The following SRPX2 variants were observed in gnomAD, a reference collection of about 807,000 sequenced individuals.
SRPX2 encodes sushi repeat containing protein X-linked 2.
SRPX2 carries 26 observed loss-of-function variants against 45.3 expected under a neutral mutation model. The observed-to-expected ratio is 0.57, with a 90% CI of 0.42 to 0.80. SRPX2 has a LOEUF of 0.80. SRPX2 is among the 30% of genes least tolerant of loss of function. The pLI is 0.00. For synonymous variants in SRPX2, 125 were observed against 143.7 expected, an observed-to-expected ratio of 0.87 and a Z score of 0.93; for missense variants, 355 against 399.8, an observed-to-expected ratio of 0.89 and a Z score of 0.95.
At chrX:100,670,733 G>A in intron 10 of SRPX2, 74 bp from the exon 11 acceptor site, 1 of 1,143,455 alleles carries the variant, frequency 8.7e-7, no homozygotes, top group Non-Finnish European at 1.2e-6. Flanking sequence ...GCTGCAAAAA[G>A]TCAGAGGGTA....
At chrX:100,655,393 G>T (rs899338948) in intron 3 of SRPX2, among the ~76,000 whole-genome samples, 2 of 110,995 alleles carry the variant, frequency 1.8e-5, no homozygotes, top group African/African-American at 3.3e-5. Flanking sequence ...TATTTGGGAG[G>T]GGACTAAGTC....
intron 3 of SRPX2, among the ~76,000 whole-genome samples, chrX:100,653,857 T>TCTGTATTTGA (rs1366467776): frequency 5.3e-5 from 6 of 112,884 alleles, no homozygotes; most frequent in African/African-American, 1.3e-4. Context: ...TAGCTATATT[T>TCTGTATTTGA]CTGTATTTGA....
At chrX:100,658,093 C>T (rs749676766) in intron 3 of SRPX2, among the ~76,000 whole-genome samples, 4 of 112,543 alleles carry the variant, frequency 3.6e-5, no homozygotes, top group African/African-American at 1.3e-4. Flanking sequence ...TGTTGTTTTG[C>T]TGTGCAGGAG....
In SRPX2 at chrX:100,662,297, T is replaced by G. The variant is rs752426167; in HGVS notation, c.285T>G (p.Phe95Leu). 8.3e-7 allele frequency: 1 copy of G among 1,211,808 alleles called. No homozygotes were observed. Among genetic ancestry groups the G allele is most frequent in the Middle Eastern group, 2.3e-4 (1 of 4,300 alleles). Reference protein sequence around the residue: ...TRCELSCDRGFRLIGRRSVQC... With the variant: ...TRCELSCDRGLRLIGRRSVQC... ...GTGAGCTCTCCTGTGACCGGGGCTT[T>G]CGATTGATTGGAAGGAGGTCGGTGC... is the stretch of plus-strand genomic sequence containing the variant. The change falls in exon 4 of 11, where the codon TTT (phenylalanine) becomes TTG (leucine). Residue 95 changes from phenylalanine (F) to leucine (L), a missense_variant. Transcript: ENST00000373004.
intron 3 of SRPX2, among the ~76,000 whole-genome samples, chrX:100,661,933 GTTTTTTTT>G (rs771852530): frequency 3.3e-5 from 2 of 59,709 alleles, no homozygotes; most frequent in East Asian, 5.3e-4. Context: ...TCGAGGTGGG[GTTTTTTTT>G]TTTTTTTTTT....
At chrX:100,658,057 G>C (rs1288760401) in intron 3 of SRPX2, among the ~76,000 whole-genome samples, 1 of 112,552 alleles carries the variant, frequency 8.9e-6, no homozygotes, top group African/African-American at 3.2e-5. Context: ...CCATTCAAGA[G>C]GCTGTCTCTT....
intron 3 of SRPX2, among the ~76,000 whole-genome samples, chrX:100,661,687 G>GT (rs1196898184): frequency 2.7e-5 from 3 of 112,138 alleles, no homozygotes; most frequent in Non-Finnish European, 5.6e-5. Flanking sequence ...GGAGAATGGC[G>GT]TGAACGTGGG....
intron 2 of SRPX2, among the ~76,000 whole-genome samples, chrX:100,647,235 G>T (rs1208285273): frequency 8.9e-6 from 1 of 112,220 alleles, no homozygotes; most frequent in Non-Finnish European, 1.9e-5. Context: ...AGTGGGGGAA[G>T]GAGACAGACC....
Position 100,674,578 on chromosome X carries a change from G to A in SRPX2, c.*3591G>A, listed in dbSNP as rs1202159389. 1 of 112,235 alleles carries A rather than the reference G, an allele frequency of 8.9e-6. No individual in the cohort carries two copies. Among genetic ancestry groups the A allele is most frequent in the Non-Finnish European group, 1.9e-5 (1 of 53,209 alleles). The allele number at this position is 112,235 out of a possible 1,213,427, so 9.2% of individuals were successfully genotyped here. On this transcript the variant is annotated 3_prime_UTR_variant, in exon 11 of 11. Transcript: ENST00000373004. ...AGCAAGTTACAGCCCGGGATCCCAA[G>A]TTATGCCTTCCATTACAATTGCAAT...
At chrX:100,669,422 G>GGGGGGGGC in intron 10 of SRPX2, 53 bp downstream of exon 10, 2 of 319,097 alleles carry the variant, frequency 6.3e-6, no homozygotes, top group Non-Finnish European at 6.2e-6. Flanking sequence ...GGGGCGGGGG[G>GGGGGGGGC]AGAAACCCTA....
chrX:100,665,638 G>T lies in SRPX2; in HGVS notation c.762G>T (p.Lys254Asn). 8.3e-7 allele frequency: 1 copy of T among 1,211,955 alleles called. No individual in the cohort carries two copies. Among genetic ancestry groups the T allele is most frequent in the Non-Finnish European group, 1.1e-6 (1 of 895,578 alleles). The change falls in exon 7 of 11, where the codon AAG becomes AAT. Residue 254 changes from lysine to asparagine, a missense_variant. Transcript: ENST00000373004. ...GAGCCTACAACCGGGCCAGCTGCAA[G>T]TTCATTGTGAAAGTACAAGGTCAGA... Reference protein sequence around the residue: ...YDRAYNRASCKFIVKVQVRRC... With the variant: ...YDRAYNRASCNFIVKVQVRRC...
rs2083233812 is a variant in SRPX2 at position 100,672,888 on chromosome X, G to A, written c.*1901G>A. Reference sequence around the variant, plus strand: ...GTCAGAGAGAATCTCCTTCCACTGGGATTTTAGTGGAAATCTCATTTTTAA... The same window carrying A: ...GTCAGAGAGAATCTCCTTCCACTGGAATTTTAGTGGAAATCTCATTTTTAA... On this transcript the variant is annotated 3_prime_UTR_variant, in exon 11 of 11. Coordinates refer to ENST00000373004, the MANE Select transcript of SRPX2 (RefSeq NM_014467.3). The A allele has an allele frequency of 8.9e-6, 1 of 112,008 alleles. No individual in the cohort carries two copies. 9.2% of individuals were successfully genotyped at this position (112,008 alleles called of 1,213,427 possible).
chrX:100,651,578 C>T (rs542127917), intron 3 of SRPX2, among the ~76,000 whole-genome samples: 55 of 110,035 alleles, frequency 5.0e-4, no homozygotes, highest in African/African-American at 1.8e-3. Context: ...GTCAGGAGTT[C>T]GAGACCAGCC....
chrX:100,653,702 C>T (rs747906670), intron 3 of SRPX2, among the ~76,000 whole-genome samples: 1 of 112,057 alleles, frequency 8.9e-6, no homozygotes, highest in South Asian at 3.8e-4. Context: ...ATTCTTTCAT[C>T]GAATATTTAT....
chrX:100,668,389 G>A (rs1303571352), intron 9 of SRPX2, among the ~76,000 whole-genome samples: 1 of 106,341 alleles, frequency 9.4e-6, no homozygotes, highest in Non-Finnish European at 1.9e-5. Context: ...CCAAAAAGAG[G>A]GCCTTATTCA....
Position 100,671,320 on chromosome X carries a change from C to T in SRPX2, c.*333C>T. 6.6e-6 allele frequency: 2 copies of T among 303,395 alleles called. No homozygotes were observed. Among genetic ancestry groups the T allele is most frequent in the East Asian group, 1.4e-4 (2 of 14,180 alleles). 25.0% of individuals were successfully genotyped at this position (303,395 alleles called of 1,213,427 possible). ...ATGAACTGGCTGTTTTAACTGGTTCCTCTACCCTGAGGTGACAGCAGAGGG... is the reference window on the plus strand; with the variant it reads ...ATGAACTGGCTGTTTTAACTGGTTCTTCTACCCTGAGGTGACAGCAGAGGG... On this transcript the variant is annotated 3_prime_UTR_variant, in exon 11 of 11. Transcript: ENST00000373004.
intron 3 of SRPX2, among the ~76,000 whole-genome samples, chrX:100,653,142 A>G (rs763107510): frequency 4.5e-5 from 5 of 111,429 alleles, no homozygotes; most frequent in South Asian, 3.9e-4. Context: ...TGAGACTGGG[A>G]TCTGAACTTG....
chrX:100,670,350 C>T (rs2083220132), intron 10 of SRPX2, among the ~76,000 whole-genome samples: 1 of 111,663 alleles, frequency 9.0e-6, no homozygotes, highest in South Asian at 3.8e-4. Flanking sequence ...GACTAGAAAA[C>T]CCTCAGAGGG....
chrX:100,649,516 C>A (rs2083145843), intron 2 of SRPX2: 1 of 112,099 alleles, frequency 8.9e-6, no homozygotes, highest in Non-Finnish European at 1.9e-5. Context: ...AAAAAATGAA[C>A]TCTTTCCTCT....
Sources: allele counts gnomAD v4.1 joint callset (sites outside exome capture counted in the v4.1 genomes callset), GRCh38; gene constraint gnomAD v4.1.1; transcripts MANE v1.5; gene names NCBI Gene and HGNC (gene_info 2026-07-23, HGNC 2026-07-21).